BCL2L13: variants seen among roughly 807,000 people sequenced by gnomAD.
BCL2L13 encodes the protein bcl-2-like protein 13.
BCL2L13 carries 13 observed loss-of-function variants against 25.8 expected under a neutral mutation model. That is an observed-to-expected ratio of 0.50 (90% CI 0.33 to 0.80). The LOEUF is 0.80. BCL2L13 is among the 30% of genes least tolerant of loss of function. BCL2L13 has a pLI of 0.02. For synonymous variants in BCL2L13, 244 were observed against 230.3 expected, an observed-to-expected ratio of 1.06 and a Z score of -0.54; for missense variants, 504 against 574.9, an observed-to-expected ratio of 0.88 and a Z score of 1.26.
intron 6 of BCL2L13, among the ~76,000 whole-genome samples, chr22:17,713,714 C>A (rs2060828547): frequency 6.6e-6 from 1 of 151,696 alleles, no homozygotes; most frequent in Admixed American, 6.6e-5. Context: ...CCCACCTCAG[C>A]CTCCCAAAGT....
chr22:17,698,626 G>A (rs1343610197), intron 5 of BCL2L13, among the ~76,000 whole-genome samples: 5 of 151,454 alleles, frequency 3.3e-5, no homozygotes, highest in Non-Finnish European at 5.9e-5. Context: ...CTATTTGGGA[G>A]GCTGAGGTGA....
chr22:17,697,932 G>A (rs537806822), intron 5 of BCL2L13, among the ~76,000 whole-genome samples: 135 of 152,052 alleles, frequency 8.9e-4, no homozygotes, highest in African/African-American at 2.8e-3. Flanking sequence ...AGGTTCAAGC[G>A]ATTCTCCCAA....
upstream of BCL2L13, chr22:17,638,748 G>A (rs1485978997): frequency 3.2e-6 from 4 of 1,231,624 alleles, no homozygotes; most frequent in East Asian, 6.3e-5. Flanking sequence ...GGCACGCCGG[G>A]GTGACCTCAC....
In BCL2L13 at chr22:17,688,768, G is replaced by T. The variant is rs867999156; in HGVS notation, c.230-218G>T. On this transcript the variant is annotated intron_variant, in intron 3 of 6. Coordinates refer to ENST00000317582, the MANE Select transcript of BCL2L13 (RefSeq NM_015367.4). ...TTATAGCGCAACTTTTGATATTGTT[G>T]TTTTTTTTTTTTTTTTGAGACGGAG... 9.4e-3 allele frequency among the ~76,000 whole-genome samples: 1,254 copies of T among 133,540 alleles called. 19 individuals carry two copies. Among genetic ancestry groups the T allele is most frequent in the African/African-American group, 0.032 (1,189 of 36,882 alleles). The allele number at this position is 133,540 out of a possible 152,430, so 87.6% of individuals were successfully genotyped here.
chr22:17,660,266 A>G (rs2059022600), intron 2 of BCL2L13, among the ~76,000 whole-genome samples: 1 of 146,820 alleles, frequency 6.8e-6, no homozygotes, highest in African/African-American at 2.4e-5. Flanking sequence ...CCCCAAAGAA[A>G]TGTGCAGTTA....
At position 17,689,010 on chromosome 22, in the gene BCL2L13, G is replaced by A. The variant is rs61741787; in HGVS notation, c.254G>A (p.Arg85His). The change falls in exon 4 of 7, where the codon CGT becomes CAT. Residue 85 changes from arginine to histidine, a missense_variant. Coordinates refer to ENST00000317582, the MANE Select transcript of BCL2L13 (RefSeq NM_015367.4). ...GCCTTCACCAGCACAGGCTTTGACC[G>A]TCACACTTCTCCAGTGTTCAGCCCT... Reference protein sequence around the residue: ...SEAFTSTGFDRHTSPVFSPAN... With the variant: ...SEAFTSTGFDHHTSPVFSPAN... 13,988 of 1,613,708 alleles carry A rather than the reference G, an allele frequency of 8.7e-3. 93 individuals carry two copies. The highest frequency in any genetic ancestry group is 0.026 in the Middle Eastern group (159 of 6,060).
In BCL2L13 at chr22:17,727,562, G is replaced by C. The variant is rs2061332504; in HGVS notation, c.*28G>C. On this transcript the variant is annotated 3_prime_UTR_variant, in exon 7 of 7. Coordinates refer to ENST00000317582, the MANE Select transcript of BCL2L13 (RefSeq NM_015367.4). The stretch of plus-strand genomic sequence containing the variant: ...GGCTTTTCAGAAGAGAAAGACAGAA[G>C]GATGTAAGGTTGGAGTTGTATTGGC... 6.2e-7 allele frequency: 1 copy of C among 1,609,992 alleles called. No homozygotes were observed. The highest frequency in any genetic ancestry group is 1.3e-5 in the African/African-American group (1 of 74,856).
intron 5 of BCL2L13, among the ~76,000 whole-genome samples, chr22:17,701,933 A>G (rs1054388012): frequency 1.4e-5 from 2 of 142,326 alleles, no homozygotes; most frequent in African/African-American, 2.6e-5. Context: ...AAAAAAAAAA[A>G]GGAAAAAGAA....
chr22:17,691,980 C>A (rs1038194971), intron 4 of BCL2L13, among the ~76,000 whole-genome samples: 25 of 152,078 alleles, frequency 1.6e-4, no homozygotes, highest in African/African-American at 6.0e-4. Context: ...TTTCAGAAAT[C>A]TGTTTTTAGA....
chr22:17,683,735 A>ATT (rs764153268), intron 3 of BCL2L13, among the ~76,000 whole-genome samples: 21,732 of 151,904 alleles, frequency 0.14, 2,040 homozygotes, highest in Non-Finnish European at 0.21. Context: ...ATTCAACTTT[A>ATT]TAGCCATTTT....
chr22:17,646,967 T>A (rs1236940159), intron 1 of BCL2L13, among the ~76,000 whole-genome samples: 31 of 115,718 alleles, frequency 2.7e-4, no homozygotes, highest in African/African-American at 9.7e-4. Flanking sequence ...TTTTTTTTTT[T>A]TTTTTTTTTT....
intron 3 of BCL2L13, among the ~76,000 whole-genome samples, chr22:17,685,537 G>C (rs562524495): frequency 2.0e-5 from 3 of 151,918 alleles, no homozygotes; most frequent in African/African-American, 7.2e-5. Flanking sequence ...TTAGCATAAT[G>C]TTTTCAAGGG....
At chr22:17,656,701 G>A (rs1417603449) in intron 2 of BCL2L13, among the ~76,000 whole-genome samples, 1 of 152,026 alleles carries the variant, frequency 6.6e-6, no homozygotes. Flanking sequence ...TCTATTGGCA[G>A]TTACATTTTT....
chr22:17,638,455 T>C (rs544422700), upstream of BCL2L13: 1 of 392,664 alleles, frequency 2.5e-6, no homozygotes, highest in Non-Finnish European at 4.5e-6. Context: ...GAACTGAACA[T>C]AGCCTGTGCA....
rs1176800348 is a variant in BCL2L13 at position 17,631,636 on chromosome 22, G to C, written c.-650+2631G>C. 2.4e-5 allele frequency among the ~76,000 whole-genome samples: 3 copies of C among 123,062 alleles called. 1 individual carries two copies. The highest frequency in any genetic ancestry group is 9.7e-5 in the African/African-American group (3 of 30,874). The allele number at this position is 123,062 out of a possible 152,430, so 80.7% of individuals were successfully genotyped here. On this transcript the variant is annotated intron_variant, in intron 1 of 6. Coordinates refer to the BCL2L13 transcript ENST00000399782. ...ACCTCAGCTCTTTGTCCTTTTAGTAGGAATGGTACGTGTGTGTATGTATGT... is the reference window on the plus strand; with the variant it reads ...ACCTCAGCTCTTTGTCCTTTTAGTACGAATGGTACGTGTGTGTATGTATGT...
intron 2 of BCL2L13, among the ~76,000 whole-genome samples, chr22:17,682,600 T>C (rs980171793): frequency 1.3e-5 from 2 of 152,170 alleles, no homozygotes; most frequent in African/African-American, 2.4e-5. Flanking sequence ...GCCCGACTTA[T>C]TGATACATCT....
chr22:17,641,644 T>G (rs2058288490), intron 1 of BCL2L13, among the ~76,000 whole-genome samples: 1 of 152,054 alleles, frequency 6.6e-6, no homozygotes, highest in Non-Finnish European at 1.5e-5. Flanking sequence ...CCACAATCAT[T>G]TTCATCACCT....
At position 17,702,196 on chromosome 22, in the gene BCL2L13, A is replaced by T. The variant is rs753477798; in HGVS notation, c.457-47A>T. 6.9e-6 allele frequency: 10 copies of T among 1,453,434 alleles called. No individual in the cohort carries two copies. The Admixed American group carries it at 2.2e-4, about 32-fold the overall frequency. The allele number at this position is 1,453,434 out of a possible 1,614,324, so 90.0% of individuals were successfully genotyped here. ...AGTAGTTGAACATATAAAACACATT[A>T]TAAGAATTTCAGTGTGGTTTTTTAT... On this transcript the variant is annotated intron_variant, in intron 5 of 6. Coordinates refer to ENST00000317582, the MANE Select transcript of BCL2L13 (RefSeq NM_015367.4).
intron 5 of BCL2L13, among the ~76,000 whole-genome samples, chr22:17,698,775 G>T (rs1236701917): frequency 1.3e-5 from 2 of 152,022 alleles, no homozygotes; most frequent in Non-Finnish European, 2.9e-5. Flanking sequence ...CACTCCACCT[G>T]TTAGTAGTTA....
Sources: gnomAD v4.1 joint callset for allele counts (sites outside exome capture counted in the v4.1 genomes callset) on GRCh38, gnomAD v4.1.1 for gene constraint, MANE v1.5 for transcripts, NCBI Gene and HGNC (gene_info 2026-07-23, HGNC 2026-07-21) for gene names.